Variants in LRPPRC observed in about 807,000 individuals in gnomAD.
The protein encoded by LRPPRC is leucine rich pentatricopeptide repeat containing, also known as leucine-rich PPR motif-containing protein, mitochondrial.
A neutral mutation model predicts 180.3 loss-of-function variants in LRPPRC; 120 were observed. The observed-to-expected ratio is 0.67, with a 90% CI of 0.57 to 0.77. LRPPRC has a LOEUF of 0.77. Among genes scored for constraint, LRPPRC ranks in the 30% least tolerant of loss-of-function variants. LRPPRC has a pLI of 0.00. For missense variants in LRPPRC, 2,012 were observed against 1,657.2 expected, an observed-to-expected ratio of 1.21 and a Z score of -3.72; for synonymous variants, 723 against 600.0, an observed-to-expected ratio of 1.21 and a Z score of -3.00.
Position 43,925,886 on chromosome 2 carries a change from T to C in LRPPRC, c.2805+7A>G. 2 of 1,604,018 alleles carry C rather than the reference T, an allele frequency of 1.2e-6. No homozygotes were observed. The highest frequency in any genetic ancestry group is 1.7e-6 in the Non-Finnish European group (2 of 1,170,814). On this transcript the variant is annotated splice_region_variant and intron_variant, in intron 26 of 37. Transcript: ENST00000260665. ...AGGTGATTGAGACATCTGAATCAAATACAAACCTGATTATTTGCAACACAT... is the reference window on the plus strand; with the variant it reads ...AGGTGATTGAGACATCTGAATCAAACACAAACCTGATTATTTGCAACACAT...
Position 43,973,613 on chromosome 2 carries a change from CA to C in LRPPRC, c.1362del (p.Asn454LysfsTer5). 1 of 1,611,034 alleles carries C rather than the reference CA, an allele frequency of 6.2e-7. No individual in the cohort carries two copies. Among genetic ancestry groups the C allele is most frequent in the East Asian group, 2.2e-5 (1 of 44,858 alleles). On this transcript the variant is annotated frameshift_variant, in exon 11 of 38. Transcript: ENST00000260665. LOFTEE classifies it high-confidence loss of function. ...PLLVGRRKEK[N>X]VQGIIEILKG... is the part of the protein sequence containing the mutation. Reference sequence around the variant, plus strand: ...GTAAAAGGCAAAATCTAACCTTGAACATTTTTTTCCTTCCGACGTCCAACTA... The same window carrying C: ...GTAAAAGGCAAAATCTAACCTTGAACTTTTTTTCCTTCCGACGTCCAACTA...
chr2:43,965,804 C>A (rs576077650), intron 11 of LRPPRC, among the ~76,000 whole-genome samples: 48 of 152,200 alleles, frequency 3.2e-4, no homozygotes, highest in Admixed American at 1.9e-3. Context: ...CAAATTTAAG[C>A]CACAATGAGA....
chr2:43,957,866 C>G (rs1013495693), intron 13 of LRPPRC, among the ~76,000 whole-genome samples: 1 of 152,082 alleles, frequency 6.6e-6, no homozygotes, highest in Non-Finnish European at 1.5e-5. Context: ...ATTCTTTTCT[C>G]GGAGAGGTGT....
intron 23 of LRPPRC, among the ~76,000 whole-genome samples, chr2:43,939,005 G>A (rs1054267656): frequency 2.6e-5 from 4 of 151,980 alleles, no homozygotes; most frequent in African/African-American, 9.7e-5. Flanking sequence ...GGGCGCGGTG[G>A]CTCACGCCTG....
chr2:43,948,222 G>A, intron 17 of LRPPRC, 23 bp from the exon 18 acceptor site: 2 of 1,337,414 alleles, frequency 1.5e-6, no homozygotes, highest in Non-Finnish European at 2.2e-6. Context: ...AAGGGAGGGG[G>A]GAAAAAACCT....
intron 25 of LRPPRC, among the ~76,000 whole-genome samples, chr2:43,927,018 T>C (rs978856460): frequency 6.6e-6 from 1 of 152,198 alleles, no homozygotes; most frequent in Non-Finnish European, 1.5e-5. Context: ...AAGCACTTAG[T>C]TTACAATTTT....
intron 25 of LRPPRC, among the ~76,000 whole-genome samples, chr2:43,928,249 T>C (rs935803332): frequency 6.6e-6 from 1 of 152,190 alleles, no homozygotes; most frequent in Admixed American, 6.5e-5. Flanking sequence ...CAAAAATAAC[T>C]GTCATTACTT....
intron 11 of LRPPRC, among the ~76,000 whole-genome samples, chr2:43,967,636 G>C (rs1673620311): frequency 6.6e-6 from 1 of 152,148 alleles, no homozygotes; most frequent in Non-Finnish European, 1.5e-5. Flanking sequence ...AAAGGTTACA[G>C]TGAGCCAGTA....
At chr2:43,945,499 C>G in intron 21 of LRPPRC, 82 bp from the exon 22 acceptor site, 1 of 836,250 alleles carries the variant, frequency 1.2e-6, no homozygotes, top group Non-Finnish European at 2.1e-6. Context: ...AATCACTTTT[C>G]AAAAGCTCAT....
Position 43,888,429 on chromosome 2 carries a change from T to C in LRPPRC, c.*171A>G, listed in dbSNP as rs192776097. The stretch of plus-strand genomic sequence containing the variant: ...TTCCCAGAGAAAAAAACTCCAAAAA[T>C]GTCCAATAACCAAGTGCACAGAGTT... On this transcript the variant is annotated 3_prime_UTR_variant, in exon 38 of 38. Transcript: ENST00000260665. 9.1e-6 allele frequency: 5 copies of C among 552,320 alleles called. No individual in the cohort carries two copies. The highest frequency in any genetic ancestry group is 1.6e-5 in the Non-Finnish European group (5 of 306,846). 34.2% of individuals were successfully genotyped at this position (552,320 alleles called of 1,614,324 possible). A position where few individuals can be genotyped will look rare whatever the true frequency, so the allele number is the denominator to read the frequency against.
At chr2:43,964,429 A>T (rs1673472846) in intron 11 of LRPPRC, among the ~76,000 whole-genome samples, 1 of 152,186 alleles carries the variant, frequency 6.6e-6, no homozygotes, top group Non-Finnish European at 1.5e-5. Flanking sequence ...ACAGTTTAAT[A>T]AAAAGAAAGA....
In LRPPRC at chr2:43,887,831, A is replaced by G. The variant is rs1203784960; in HGVS notation, c.*769T>C. 6.6e-6 allele frequency: 1 copy of G among 152,240 alleles called. No individual in the cohort carries two copies. Among genetic ancestry groups the G allele is most frequent in the Non-Finnish European group, 1.5e-5 (1 of 68,038 alleles). 9.4% of individuals were successfully genotyped at this position (152,240 alleles called of 1,614,324 possible). On this transcript the variant is annotated 3_prime_UTR_variant, in exon 38 of 38. Coordinates refer to ENST00000260665, the MANE Select transcript of LRPPRC (RefSeq NM_133259.4). ...AGATGAAATCACATCTTTTCAGGAT[A>G]TGAGTATAAAGTAACAAGCCTAGGG...
At chr2:43,970,202 A>G (rs1179605476) in intron 11 of LRPPRC, among the ~76,000 whole-genome samples, 1 of 152,208 alleles carries the variant, frequency 6.6e-6, no homozygotes. Context: ...TCATTTTTCC[A>G]GTAACATTTA....
Position 43,974,837 on chromosome 2 carries a change from T to G in LRPPRC, c.865-79A>C, listed in dbSNP as rs1673979567. On this transcript the variant is annotated intron_variant, in intron 7 of 37. Coordinates refer to ENST00000260665, the MANE Select transcript of LRPPRC (RefSeq NM_133259.4). ...ATTAAAGCTAAATAAAATATCCAGATTCAAAAAACTAGGGAAAAATACCAC... is the reference window on the plus strand; with the variant it reads ...ATTAAAGCTAAATAAAATATCCAGAGTCAAAAAACTAGGGAAAAATACCAC... 2.1e-6 allele frequency: 3 copies of G among 1,419,978 alleles called. No individual in the cohort carries two copies. The Admixed American group carries it at 5.2e-5, about 24-fold the overall frequency. 88.0% of individuals were successfully genotyped at this position (1,419,978 alleles called of 1,614,324 possible).
intron 14 of LRPPRC, among the ~76,000 whole-genome samples, chr2:43,952,174 C>T (rs992060386): frequency 6.6e-6 from 1 of 150,454 alleles, no homozygotes. Context: ...GCCTGGGCAA[C>T]AAGAGCGAAA....
At chr2:43,957,585 G>A (rs1176839976) in intron 13 of LRPPRC, 134 bp from the exon 14 acceptor site, 15 of 707,344 alleles carry the variant, frequency 2.1e-5, no homozygotes, top group Non-Finnish European at 2.8e-5. Context: ...AAATAAAAAT[G>A]TTTTCATACA....
chr2:43,928,693 G>A (rs1484120067), intron 25 of LRPPRC, among the ~76,000 whole-genome samples: 1 of 151,990 alleles, frequency 6.6e-6, no homozygotes, highest in Non-Finnish European at 1.5e-5. Context: ...CAAGGCTGCG[G>A]TGTGTTATGA....
Position 43,912,483 on chromosome 2 carries a change from T to C in LRPPRC, c.3224A>G (p.Lys1075Arg). ...AAAATAATCTTCTGACATCAGTAAT[T>C]TAATGAGATTGCTGTAGGTTTCAGC... ...FNAETYSNLI[K>R]LLMSEDYFTQ... The change falls in exon 30 of 38, where the codon AAA becomes AGA. Residue 1075 changes from lysine to arginine, a missense_variant. Transcript: ENST00000260665. 1 of 1,598,202 alleles carries C rather than the reference T, an allele frequency of 6.3e-7. No homozygotes were observed. Among genetic ancestry groups the C allele is most frequent in the African/African-American group, 1.3e-5 (1 of 74,726 alleles).
intron 33 of LRPPRC, 51 bp downstream of exon 33, chr2:43,899,415 A>C: frequency 6.2e-7 from 1 of 1,612,910 alleles, no homozygotes; most frequent in Non-Finnish European, 8.5e-7. Flanking sequence ...GTCTAGTCTC[A>C]CTAGAGAGAA....
Sources: gnomAD v4.1 joint callset for allele counts (sites outside exome capture counted in the v4.1 genomes callset) on GRCh38, gnomAD v4.1.1 for gene constraint, MANE v1.5 for transcripts, NCBI Gene and HGNC (gene_info 2026-07-23, HGNC 2026-07-21) for gene names.